PCDHGB4: variants seen among roughly 807,000 people sequenced by gnomAD.
PCDHGB4 encodes protocadherin gamma subfamily B, 4, also known as protocadherin gamma-B4.
A neutral mutation model predicts 60.5 loss-of-function variants in PCDHGB4; 38 were observed. The observed-to-expected ratio is 0.63, with a 90% CI of 0.48 to 0.82. The LOEUF is 0.82. Ranked by LOEUF, PCDHGB4 falls within the 40% of genes least tolerant of loss-of-function variation. The pLI is 0.00. For synonymous variants in PCDHGB4, 456 were observed against 509.7 expected (o/e 0.89, Z 1.42); for missense variants, 1,109 against 1,209.6 (o/e 0.92, Z 1.23).
rs1487270083 is a variant in PCDHGB4, at chr5:141,402,944, G to T, written c.2397+12663G>T. ...GATCCTTTTGAGAAAATTCCAAAGC[G>T]AGGCAGCAATGGCAGCTCCAACCAA... is the stretch of plus-strand genomic sequence containing the variant. On this transcript the variant is annotated intron_variant, in intron 1 of 3. Transcript: ENST00000519479. The T allele has an allele frequency of 3.8e-6, 6 of 1,592,018 alleles. No individual in the cohort carries two copies. The African/African-American group carries it at 8.1e-5, about 22-fold the overall frequency.
chr5:141,394,863 C>T (rs758408774), intron 1 of PCDHGB4: 37 of 1,613,708 alleles, frequency 2.3e-5, no homozygotes, highest in Non-Finnish European at 2.9e-5. Context: ...TTCGGTCGAC[C>T]CGAACGATTC....
chr5:141,413,880 T>G, intron 1 of PCDHGB4: 1 of 1,613,420 alleles, frequency 6.2e-7, no homozygotes, highest in Non-Finnish European at 8.5e-7. Flanking sequence ...TCAGTGTGAC[T>G]GTCTTCGATG....
In PCDHGB4 at chr5:141,388,789, T is replaced by G; in HGVS notation, c.905T>G (p.Leu302Ter). 1.9e-6 allele frequency: 3 copies of G among 1,613,948 alleles called. No individual in the cohort carries two copies. Among genetic ancestry groups the G allele is most frequent in the Non-Finnish European group, 2.5e-6 (3 of 1,179,844 alleles). Residue 302 changes from leucine (L) to a stop codon, truncating the protein, a stop_gained, in exon 1 of 4, where the codon TTA becomes TGA. Transcript: ENST00000519479. LOFTEE classifies it high-confidence loss of function. ...LNSNTGEITV[L>*]NTLDFEEVKE... ...TCTAACACCGGGGAAATTACTGTTT[T>G]AAATACATTAGATTTTGAAGAAGTC...
chr5:141,395,195 C>T (rs1317395472), intron 1 of PCDHGB4: 1 of 1,613,760 alleles, frequency 6.2e-7, no homozygotes, highest in Admixed American at 1.7e-5. Context: ...TGTTAACATC[C>T]GTAGATTTTC....
At chr5:141,494,326 G>C (rs2154591458) in intron 1 of PCDHGB4, among the ~76,000 whole-genome samples, 1 of 152,312 alleles carries the variant, frequency 6.6e-6, no homozygotes, top group Middle Eastern at 3.4e-3. Context: ...GGCACCAAAA[G>C]GGTTACCAAG....
Position 141,487,421 on chromosome 5 carries a change from C to T in PCDHGB4, c.2398-7386C>T. ...GGGGCTTCCCCCTTCCAATGGGATC[C>T]TCCGAATCCAGCTAGGGTCAGATGA... On this transcript the variant is annotated intron_variant, in intron 1 of 3. Coordinates refer to ENST00000519479, the MANE Select transcript of PCDHGB4 (RefSeq NM_003736.4). This position sits in a 1 kb window ranked among gnomAD's most constrained non-coding sequence, Gnocchi z 5.0. The T allele has an allele frequency of 6.2e-7, 1 of 1,614,144 alleles. No homozygotes were observed. The highest frequency in any genetic ancestry group is 1.1e-5 in the South Asian group (1 of 91,082).
chr5:141,415,740 GT>G (rs57426385), intron 1 of PCDHGB4: 12,894 of 617,008 alleles, frequency 0.021, 1 homozygote, highest in South Asian at 0.027. Flanking sequence ...GTTTATTAAG[GT>G]TTTTTTTTTT....
chr5:141,494,925 G>T (rs936071950), intron 2 of PCDHGB4, 60 bp downstream of exon 2: 1 of 1,613,316 alleles, frequency 6.2e-7, no homozygotes. Flanking sequence ...GGGATGACGT[G>T]GGAGGAGATG....
rs948944459 is a variant in PCDHGB4 at position 141,476,485 on chromosome 5, G to T, written c.2398-18322G>T. 1 of 1,614,076 alleles carries T rather than the reference G, an allele frequency of 6.2e-7. No individual in the cohort carries two copies. The highest frequency in any genetic ancestry group is 8.5e-7 in the Non-Finnish European group (1 of 1,180,016). ...CGCTGGAGCTGTTCAGCGTGGAAGT[G>T]GTGATCCAGGACATCAACGACAACA... is the stretch of plus-strand genomic sequence containing the variant. On this transcript the variant is annotated intron_variant, in intron 1 of 3. Coordinates refer to ENST00000519479, the MANE Select transcript of PCDHGB4 (RefSeq NM_003736.4). The surrounding 1 kb of genome is among the most constrained non-coding windows in gnomAD (Gnocchi z 7.6).
chr5:141,472,230 C>T (rs1274096264), intron 1 of PCDHGB4, among the ~76,000 whole-genome samples: 1 of 152,116 alleles, frequency 6.6e-6, no homozygotes, highest in Non-Finnish European at 1.5e-5. Flanking sequence ...TCATATAATA[C>T]ATTCACTTTC....
chr5:141,425,486 C>T (rs2096878743), intron 1 of PCDHGB4, among the ~76,000 whole-genome samples: 1 of 152,236 alleles, frequency 6.6e-6, no homozygotes, highest in African/African-American at 2.4e-5. Context: ...TGGCAACCTA[C>T]TAGGCTATAC....
In PCDHGB4 at chr5:141,422,867, T is replaced by C. The variant is rs116031289; in HGVS notation, c.2397+32586T>C. On this transcript the variant is annotated intron_variant, in intron 1 of 3. Coordinates refer to ENST00000519479, the MANE Select transcript of PCDHGB4 (RefSeq NM_003736.4). Reference sequence around the variant, plus strand: ...GGGGACCCGCCCCTCAGCAGCAACGTGTCGCTGAGCCTGTTCGTGCTGGAC... The same window carrying C: ...GGGGACCCGCCCCTCAGCAGCAACGCGTCGCTGAGCCTGTTCGTGCTGGAC... 1.5e-3 allele frequency: 2,464 copies of C among 1,614,218 alleles called. 37 individuals are homozygous for C. In the African/African-American group the frequency reaches 0.029, roughly 19 times the overall value.
In PCDHGB4 at chr5:141,491,633, C is replaced by T; in HGVS notation, c.2398-3174C>T. Reference sequence around the variant, plus strand: ...CTAAGACCCCTCAGCGTTCAGCAGCCCACAGCTCTGGCGCTGGAGCCTGAC... The same window carrying T: ...CTAAGACCCCTCAGCGTTCAGCAGCTCACAGCTCTGGCGCTGGAGCCTGAC... On this transcript the variant is annotated intron_variant, in intron 1 of 3. Transcript: ENST00000519479. This position sits in a 1 kb window ranked among gnomAD's most constrained non-coding sequence, Gnocchi z 6.9. 2 of 1,613,916 alleles carry T rather than the reference C, an allele frequency of 1.2e-6. No homozygotes were observed.
chr5:141,434,209 A>G (rs946478332), intron 1 of PCDHGB4, among the ~76,000 whole-genome samples: 17 of 152,216 alleles, frequency 1.1e-4, no homozygotes, highest in African/African-American at 4.1e-4. Flanking sequence ...TACTTCTGTC[A>G]GTGTAAACAA....
At chr5:141,465,522 G>A (rs1416012695) in intron 1 of PCDHGB4, among the ~76,000 whole-genome samples, 1 of 152,112 alleles carries the variant, frequency 6.6e-6, no homozygotes, top group Non-Finnish European at 1.5e-5. Context: ...AGGATTCTGG[G>A]GAAGTTTTCC....
At position 141,462,908 on chromosome 5, in the gene PCDHGB4, T is replaced by G. The variant is rs186061013; in HGVS notation, c.2398-31899T>G. ...AGTTTGTTTTGGAAGGCTATTATGT[T>G]TTTTGCAGATCAGGTTGATCTTTTC... On this transcript the variant is annotated intron_variant, in intron 1 of 3. Coordinates refer to ENST00000519479, the MANE Select transcript of PCDHGB4 (RefSeq NM_003736.4). Among the ~76,000 whole-genome samples the G allele has an allele frequency of 1.4e-4, 21 of 152,362 alleles. No individual in the cohort carries two copies. The East Asian group carries it at 3.5e-3, about 25-fold the overall frequency.
chr5:141,490,345 G>GT lies in PCDHGB4; in HGVS notation c.2398-4461dup, dbSNP rs1363310763. The GT allele has an allele frequency of 6.2e-7, 1 of 1,614,216 alleles. No individual in the cohort carries two copies. The highest frequency in any genetic ancestry group is 2.2e-5 in the East Asian group (1 of 44,886). ...AGAGAGCACACCAGTGGGCACAGTAGTGGGGTTGTTTAATGTGCGAGACCG... is the reference window on the plus strand; with the variant it reads ...AGAGAGCACACCAGTGGGCACAGTAGTTGGGGTTGTTTAATGTGCGAGACCG... On this transcript the variant is annotated intron_variant, in intron 1 of 3. Transcript: ENST00000519479. This position sits in a 1 kb window ranked among gnomAD's most constrained non-coding sequence, Gnocchi z 5.4.
chr5:141,407,970 C>T, intron 1 of PCDHGB4: 2 of 716,252 alleles, frequency 2.8e-6, no homozygotes, highest in Non-Finnish European at 4.3e-6. Context: ...CAAGCGCTGA[C>T]GCCGGGGATC....
rs532631149 is a variant in PCDHGB4, at chr5:141,506,489, C to A, written c.2545+1008C>A. On this transcript the variant is annotated intron_variant, in intron 3 of 3. Transcript: ENST00000519479. ...AAGAGCACAGGCTTTAGAGGCAGGC[C>A]AATCTGGATTCAAATCCTGGCACCT... 1.9e-4 allele frequency among the ~76,000 whole-genome samples: 29 copies of A among 150,750 alleles called. 1 individual carries two copies. In the South Asian group the frequency reaches 5.9e-3, roughly 31 times the overall value.
Sources: allele counts gnomAD v4.1 joint callset (sites outside exome capture counted in the v4.1 genomes callset), GRCh38; gene constraint gnomAD v4.1.1; non-coding constraint Gnocchi (gnomAD v3.1); transcripts MANE v1.5; gene names NCBI Gene and HGNC (gene_info 2026-07-23, HGNC 2026-07-21).